MCRIP1: variants seen among roughly 807,000 people sequenced by gnomAD.
The protein encoded by MCRIP1 is MAPK regulated corepressor interacting protein 1.
Under a neutral mutation model 14.4 loss-of-function variants are expected in MCRIP1, and 10 were observed. That is an observed-to-expected ratio of 0.70 (90% CI 0.43 to 1.18). The LOEUF is 1.18. Among genes scored for constraint, MCRIP1 ranks in the 50% most tolerant of loss-of-function variants. MCRIP1 has a pLI of 0.00. For synonymous variants in MCRIP1, 53 were observed against 55.7 expected, an observed-to-expected ratio of 0.95 and a Z score of 0.21; for missense variants, 119 against 135.4, an observed-to-expected ratio of 0.88 and a Z score of 0.60.
chr17:81,825,139 C>G, intron 1 of MCRIP1: 1 of 1,038,796 alleles, frequency 9.6e-7, no homozygotes, highest in Non-Finnish European at 1.2e-6. Context: ...ACATCAGTAC[C>G]CTGGAGATGG....
intron 1 of MCRIP1, among the ~76,000 whole-genome samples, chr17:81,829,818 A>G (rs1294383228): frequency 1.3e-5 from 2 of 152,158 alleles, no homozygotes; most frequent in East Asian, 3.8e-4. Flanking sequence ...CTCCAGTTCC[A>G]GACACCCAGC....
intron 3 of MCRIP1, 63 bp downstream of exon 3, chr17:81,824,224 G>T: frequency 1.5e-6 from 2 of 1,351,086 alleles, no homozygotes; most frequent in East Asian, 2.5e-5. Context: ...TGGGTCCTGG[G>T]CTGGGGGCAG....
At chr17:81,828,332 AGG>A in intron 1 of MCRIP1, among the ~76,000 whole-genome samples, 1 of 142,202 alleles carries the variant, frequency 7.0e-6, no homozygotes, top group East Asian at 2.2e-4. Flanking sequence ...CCAAGAGGCC[AGG>A]GGCCTGCTGT....
At chr17:81,831,087 G>A (rs1359705071) in intron 1 of MCRIP1, among the ~76,000 whole-genome samples, 5 of 150,586 alleles carry the variant, frequency 3.3e-5, no homozygotes, top group East Asian at 1.9e-4. Context: ...CAGGAGAATC[G>A]CTTGAACCCA....
At position 81,822,598 on chromosome 17, in the gene MCRIP1, G is replaced by C. The variant is rs1035516767; in HGVS notation, c.*649C>G. ...GGTGCCCCTGCCCAGGGGCCACTGT[G>C]ACCGCAGACACCAGGAGGCCAGGCC... On this transcript the variant is annotated 3_prime_UTR_variant, in exon 5 of 5. Coordinates refer to ENST00000455127, the MANE Select transcript of MCRIP1 (RefSeq NM_207368.5). 1.3e-5 allele frequency: 2 copies of C among 153,292 alleles called. No homozygotes were observed. The highest frequency in any genetic ancestry group is 4.8e-5 in the African/African-American group (2 of 41,458). 9.5% of individuals were successfully genotyped at this position (153,292 alleles called of 1,614,324 possible).
At chr17:81,826,689 G>A (rs1360240460) in intron 1 of MCRIP1, 2 of 356,854 alleles carry the variant, frequency 5.6e-6, no homozygotes, top group East Asian at 5.7e-5. Flanking sequence ...CGTGGTGGCA[G>A]GCACCCGTAA....
intron 1 of MCRIP1, chr17:81,825,519 C>T: frequency 7.9e-7 from 1 of 1,262,698 alleles, no homozygotes; most frequent in Non-Finnish European, 1.0e-6. Flanking sequence ...GCTGCAGATA[C>T]TCCAGGGCAC....
chr17:81,826,352 C>T lies in MCRIP1; in HGVS notation c.-48-1798G>A, dbSNP rs981459976. Reference sequence around the variant, plus strand: ...CTGTCTGTACACACCTGCCCACACACATGCGGCACACACCCATATGAACAC... The same window carrying T: ...CTGTCTGTACACACCTGCCCACACATATGCGGCACACACCCATATGAACAC... On this transcript the variant is annotated intron_variant, in intron 1 of 4. Coordinates refer to ENST00000455127, the MANE Select transcript of MCRIP1 (RefSeq NM_207368.5). The T allele has an allele frequency of 2.6e-6, 4 of 1,535,560 alleles. No individual in the cohort carries two copies. In the African/African-American group the frequency reaches 4.1e-5, roughly 16 times the overall value.
intron 1 of MCRIP1, chr17:81,825,695 C>G: frequency 7.8e-7 from 1 of 1,289,406 alleles, no homozygotes; most frequent in South Asian, 1.2e-5. Flanking sequence ...AGCCCTGGAA[C>G]TCTGTGCCCC....
At chr17:81,826,470 C>T in intron 1 of MCRIP1, 2 of 1,183,504 alleles carry the variant, frequency 1.7e-6, no homozygotes, top group Non-Finnish European at 1.2e-6. Context: ...CTGCAGGGAG[C>T]CAAGATCGTG....
At chr17:81,830,482 C>T (rs949180826) in intron 1 of MCRIP1, among the ~76,000 whole-genome samples, 9 of 148,506 alleles carry the variant, frequency 6.1e-5, no homozygotes, top group African/African-American at 2.2e-4. Context: ...ACTAAAAATA[C>T]AAAAAGTAGC....
chr17:81,826,354 T>C, intron 1 of MCRIP1: 1 of 1,535,476 alleles, frequency 6.5e-7, no homozygotes, highest in African/African-American at 1.4e-5. Flanking sequence ...CCCACACACA[T>C]GCGGCACACA....
intron 1 of MCRIP1, among the ~76,000 whole-genome samples, chr17:81,829,357 G>A (rs2038474563): frequency 6.6e-6 from 1 of 152,170 alleles, no homozygotes; most frequent in Admixed American, 6.5e-5. Flanking sequence ...CATCCCACCT[G>A]GGCCACCACC....
At position 81,823,933 on chromosome 17, in the gene MCRIP1, C is replaced by T. The variant is rs1441775893; in HGVS notation, c.127+354G>A. On this transcript the variant is annotated intron_variant, in intron 3 of 4. Coordinates refer to ENST00000455127, the MANE Select transcript of MCRIP1 (RefSeq NM_207368.5). This position sits in a 1 kb window ranked among gnomAD's most constrained non-coding sequence, Gnocchi z 6.0. ...CAACACGCCCGTTCATGGCTGGATGCGTGCCTGTCTGTCTTCAAAGGCCCC... is the reference window on the plus strand; with the variant it reads ...CAACACGCCCGTTCATGGCTGGATGTGTGCCTGTCTGTCTTCAAAGGCCCC... 6 of 514,106 alleles carry T rather than the reference C, an allele frequency of 1.2e-5. No homozygotes were observed. Among genetic ancestry groups the T allele is most frequent in the Middle Eastern group, 5.1e-4 (1 of 1,970 alleles). 31.8% of individuals were successfully genotyped at this position (514,106 alleles called of 1,614,324 possible). A position where few individuals can be genotyped will look rare whatever the true frequency, so the allele number is the denominator to read the frequency against.
Position 81,826,317 on chromosome 17 carries a change from C to T in MCRIP1, c.-48-1763G>A, listed in dbSNP as rs190969220. 9.0e-5 allele frequency: 138 copies of T among 1,535,424 alleles called. No homozygotes were observed. The East Asian group carries it at 2.6e-3, about 29-fold the overall frequency. On this transcript the variant is annotated intron_variant, in intron 1 of 4. Transcript: ENST00000455127. ...CTGCCACACACATGCATACAACCGC[C>T]CGCACACACCTGTCTGTACACACCT...
chr17:81,822,817 T>C lies in MCRIP1; in HGVS notation c.*430A>G. On this transcript the variant is annotated 3_prime_UTR_variant, in exon 5 of 5. Coordinates refer to ENST00000455127, the MANE Select transcript of MCRIP1 (RefSeq NM_207368.5). ...AGGCTGGATGGGGTGGGGCTGCCCT[T>C]GTCCTGTATCCTGACCACTTCAAGG... is the stretch of plus-strand genomic sequence containing the variant. 1 of 264,368 alleles carries C rather than the reference T, an allele frequency of 3.8e-6. No individual in the cohort carries two copies. Among genetic ancestry groups the C allele is most frequent in the South Asian group, 5.0e-5 (1 of 20,168 alleles). 16.4% of individuals were successfully genotyped at this position (264,368 alleles called of 1,614,324 possible).
At chr17:81,824,107 C>G (rs2038332258) in intron 3 of MCRIP1, among the ~76,000 whole-genome samples, 180 bp downstream of exon 3, 1 of 152,214 alleles carries the variant, frequency 6.6e-6, no homozygotes, top group Admixed American at 6.5e-5. Flanking sequence ...ACAAGGTCCC[C>G]TCGGCCACCC....
intron 1 of MCRIP1, chr17:81,826,454 T>C: frequency 1.4e-6 from 2 of 1,394,812 alleles, no homozygotes; most frequent in Non-Finnish European, 1.9e-6. Context: ...GCCCAGGAGG[T>C]CAAGGCTGCA....
At chr17:81,824,690 T>TC (rs2038352427) in intron 1 of MCRIP1, 136 bp from the exon 2 acceptor site, 1 of 1,469,720 alleles carries the variant, frequency 6.8e-7, no homozygotes, top group South Asian at 1.3e-5. Flanking sequence ...TACCAGGGTG[T>TC]CCCCCACAGG....
Sources: gnomAD v4.1 joint callset for allele counts (sites outside exome capture counted in the v4.1 genomes callset) on GRCh38, gnomAD v4.1.1 for gene constraint, Gnocchi (gnomAD v3.1) non-coding constraint, MANE v1.5 for transcripts, NCBI Gene and HGNC (gene_info 2026-07-23, HGNC 2026-07-21) for gene names.